The following EEFSEC variants were observed in gnomAD, a reference collection of about 807,000 sequenced individuals.
The protein encoded by EEFSEC is selenocysteine-specific elongation factor.
In EEFSEC, 43 loss-of-function variants were observed where a neutral mutation model predicts 42.1. That is an observed-to-expected ratio of 1.02 (90% CI 0.80 to 1.32). The LOEUF (loss-of-function observed/expected upper bound fraction) is 1.32, where lower values mean the gene tolerates loss of function less well. Among genes scored for constraint, EEFSEC ranks in the 40% most tolerant of loss-of-function variants. EEFSEC has a pLI of 0.00. For missense variants in EEFSEC, 745 were observed against 803.6 expected, an observed-to-expected ratio of 0.93 and a Z score of 0.88; for synonymous variants, 354 against 339.1, an observed-to-expected ratio of 1.04 and a Z score of -0.48.
intron 1 of EEFSEC, among the ~76,000 whole-genome samples, chr3:128,202,957 AT>A (rs1230834945): frequency 6.6e-6 from 1 of 152,180 alleles, no homozygotes; most frequent in Non-Finnish European, 1.5e-5. Flanking sequence ...AATTATACTG[AT>A]TGATTTTTTT....
At chr3:128,290,606 T>C (rs1250315220) in intron 4 of EEFSEC, among the ~76,000 whole-genome samples, 1 of 152,164 alleles carries the variant, frequency 6.6e-6, no homozygotes, top group African/African-American at 2.4e-5. Context: ...TTGGTTGGCA[T>C]TGCATGGAAT....
rs902805479 is a variant in EEFSEC at position 128,317,872 on chromosome 3, G to A, written c.787-23361G>A. 9.9e-5 allele frequency among the ~76,000 whole-genome samples: 15 copies of A among 152,222 alleles called. No individual in the cohort carries two copies. The highest frequency in any genetic ancestry group is 2.2e-4 in the Non-Finnish European group (15 of 68,040). ...CCCTCCTCTCTGAGGTTTCCTCCCAGTTCCCTGCCAGGTGGTAACCATGGT... is the reference window on the plus strand; with the variant it reads ...CCCTCCTCTCTGAGGTTTCCTCCCAATTCCCTGCCAGGTGGTAACCATGGT... On this transcript the variant is annotated intron_variant, in intron 4 of 6. Coordinates refer to ENST00000254730, the MANE Select transcript of EEFSEC (RefSeq NM_021937.5). This position sits in a 1 kb window ranked among gnomAD's most constrained non-coding sequence, Gnocchi z 4.1.
chr3:128,211,775 C>T (rs1348364611), intron 1 of EEFSEC, among the ~76,000 whole-genome samples: 5 of 151,128 alleles, frequency 3.3e-5, no homozygotes, highest in South Asian at 2.1e-4. Context: ...CTCAGCCTCC[C>T]AACATGCTAG....
chr3:128,367,207 G>A (rs1194832024), intron 6 of EEFSEC, among the ~76,000 whole-genome samples: 1 of 152,196 alleles, frequency 6.6e-6, no homozygotes, highest in Non-Finnish European at 1.5e-5. Context: ...CTAAAGTCTG[G>A]GGGTTAGGAT....
At chr3:128,325,405 C>A (rs768476286) in intron 4 of EEFSEC, among the ~76,000 whole-genome samples, 29 of 152,168 alleles carry the variant, frequency 1.9e-4, no homozygotes, top group Non-Finnish European at 3.4e-4. Flanking sequence ...AGCTGAGGGG[C>A]CTTGGGCAGG....
rs73201479 is a variant in EEFSEC at position 128,394,845 on chromosome 3, A to T, written c.1601-13224A>T. Among the ~76,000 whole-genome samples the T allele has an allele frequency of 4.0e-3, 610 of 152,334 alleles. 2 individuals carry two copies. Among genetic ancestry groups the T allele is most frequent in the Admixed American group, 9.1e-3 (140 of 15,306 alleles). On this transcript the variant is annotated intron_variant, in intron 6 of 6. Transcript: ENST00000254730. Reference sequence around the variant, plus strand: ...CTAGCCCCACAGGGGAGCAGAGGACAGCCTGAGAGCATATGGCTGTGTGGT... The same window carrying T: ...CTAGCCCCACAGGGGAGCAGAGGACTGCCTGAGAGCATATGGCTGTGTGGT...
At chr3:128,372,383 G>A (rs2067664036) in intron 6 of EEFSEC, among the ~76,000 whole-genome samples, 1 of 152,168 alleles carries the variant, frequency 6.6e-6, no homozygotes, top group South Asian at 2.1e-4. Context: ...GCTGGTCAAG[G>A]GGCCTAAAAC....
At chr3:128,333,492 G>A (rs1465004202) in intron 4 of EEFSEC, among the ~76,000 whole-genome samples, 2 of 152,222 alleles carry the variant, frequency 1.3e-5, no homozygotes, top group Non-Finnish European at 2.9e-5. Context: ...CAGGCAGATT[G>A]CATGCTTTGA....
At chr3:128,370,948 G>T (rs1395048900) in intron 6 of EEFSEC, among the ~76,000 whole-genome samples, 2 of 152,240 alleles carry the variant, frequency 1.3e-5, no homozygotes. Context: ...AGGACAGAAG[G>T]AACAGAGTGT....
chr3:128,273,349 A>T (rs188521718), intron 4 of EEFSEC, among the ~76,000 whole-genome samples: 17 of 150,714 alleles, frequency 1.1e-4, no homozygotes, highest in African/African-American at 3.5e-4. Context: ...TGGAAGGTTG[A>T]CCTCACAGGA....
At chr3:128,282,140 C>T (rs751693874) in intron 4 of EEFSEC, among the ~76,000 whole-genome samples, 2 of 152,234 alleles carry the variant, frequency 1.3e-5, no homozygotes, top group Non-Finnish European at 2.9e-5. Context: ...CTGGACTGGG[C>T]CTCTGTCTTC....
At chr3:128,330,727 A>ATCAGTGCATCTCCCCTCTTCCCCGCTTCC (rs2067117991) in intron 4 of EEFSEC, among the ~76,000 whole-genome samples, 2 of 151,720 alleles carry the variant, frequency 1.3e-5, no homozygotes, top group African/African-American at 4.9e-5. Context: ...GGCAGGGGGC[A>ATCAGTGCATCTCCCCTCTTCCCCGCTTCC]TCAGTGCATC....
intron 1 of EEFSEC, among the ~76,000 whole-genome samples, chr3:128,170,291 G>A (rs1410071103): frequency 2.0e-5 from 3 of 152,158 alleles, no homozygotes; most frequent in African/African-American, 4.8e-5. Context: ...GGCTGGGCAC[G>A]GTGGCTCACG....
At chr3:128,343,074 G>T (rs143635305) in intron 5 of EEFSEC, among the ~76,000 whole-genome samples, 467 of 152,324 alleles carry the variant, frequency 3.1e-3, no homozygotes, top group Middle Eastern at 0.014. Flanking sequence ...TAGCAGGAGG[G>T]GTCTGCCCTG....
At chr3:128,255,871 G>A (rs2066237005) in intron 2 of EEFSEC, among the ~76,000 whole-genome samples, 1 of 152,152 alleles carries the variant, frequency 6.6e-6, no homozygotes, top group Non-Finnish European at 1.5e-5. Flanking sequence ...TGGGGTATCA[G>A]CATGGGTTCC....
At chr3:128,302,541 A>G (rs1418170997) in intron 4 of EEFSEC, among the ~76,000 whole-genome samples, 2 of 152,242 alleles carry the variant, frequency 1.3e-5, no homozygotes, top group African/African-American at 4.8e-5. Flanking sequence ...CTTATAAGCA[A>G]AATATCTAAA....
chr3:128,398,301 G>A (rs2068007247), intron 6 of EEFSEC, among the ~76,000 whole-genome samples: 1 of 152,178 alleles, frequency 6.6e-6, no homozygotes, highest in Non-Finnish European at 1.5e-5. Flanking sequence ...ACAGAAGCGG[G>A]CAAGATAGAC....
At chr3:128,408,885 A>G (rs1006403632), downstream of EEFSEC, among the ~76,000 whole-genome samples, 2 of 152,204 alleles carry the variant, frequency 1.3e-5, no homozygotes, top group Admixed American at 6.5e-5. Context: ...AGCTGGGTCC[A>G]GGGAAGGTAC....
At chr3:128,395,244 G>A (rs1161764313) in intron 6 of EEFSEC, among the ~76,000 whole-genome samples, 1 of 152,234 alleles carries the variant, frequency 6.6e-6, no homozygotes, top group African/African-American at 2.4e-5. Context: ...CCAGAAGGCA[G>A]AACGGGAGCC....
Sources: allele counts gnomAD v4.1 joint callset (sites outside exome capture counted in the v4.1 genomes callset), GRCh38; gene constraint gnomAD v4.1.1; non-coding constraint Gnocchi (gnomAD v3.1); transcripts MANE v1.5; gene names NCBI Gene and HGNC (gene_info 2026-07-23, HGNC 2026-07-21).